CLVS2: variants seen among roughly 807,000 people sequenced by gnomAD.
The protein encoded by CLVS2 is clavesin-2.
A neutral mutation model predicts 29.0 loss-of-function variants in CLVS2; 19 were observed. The observed-to-expected ratio is 0.66, with a 90% confidence interval of 0.46 to 0.96. The LOEUF (loss-of-function observed/expected upper bound fraction) is 0.96, where lower values mean the gene tolerates loss of function less well. Among genes scored for constraint, CLVS2 ranks in the 40% least tolerant of loss-of-function variants. The pLI is 0.00. For missense variants in CLVS2, 294 were observed against 404.1 expected (o/e 0.73, Z 2.34); for synonymous variants, 161 against 151.3 (o/e 1.06, Z -0.47).
At chr6:123,035,423 A>G (rs1282839205) in intron 3 of CLVS2, among the ~76,000 whole-genome samples, 3 of 152,142 alleles carry the variant, frequency 2.0e-5, no homozygotes, top group Non-Finnish European at 2.9e-5. Flanking sequence ...TCCAATGACA[A>G]TCTACATGGA....
chr6:123,005,980 G>T (rs949273450), intron 2 of CLVS2, among the ~76,000 whole-genome samples: 1 of 152,234 alleles, frequency 6.6e-6, no homozygotes, highest in Middle Eastern at 3.2e-3. Context: ...ACAGTGTGCA[G>T]CGAACAGTAT....
intron 3 of CLVS2, among the ~76,000 whole-genome samples, chr6:123,037,176 T>G (rs1775165959): frequency 6.6e-6 from 1 of 152,058 alleles, no homozygotes; most frequent in Non-Finnish European, 1.5e-5. Flanking sequence ...TTCACATCAC[T>G]CTCTCAAATA....
intron 5 of CLVS2, among the ~76,000 whole-genome samples, chr6:123,060,979 T>C (rs964096785): frequency 6.6e-6 from 1 of 152,200 alleles, no homozygotes; most frequent in Non-Finnish European, 1.5e-5. Context: ...AAGTTATTCA[T>C]TGTGAAAACA....
chr6:123,000,069 A>G (rs1286078103), intron 2 of CLVS2, among the ~76,000 whole-genome samples: 1 of 152,198 alleles, frequency 6.6e-6, no homozygotes. Flanking sequence ...AATAATTGGT[A>G]TATAGAATTA....
At chr6:123,027,928 G>T (rs1016733367) in intron 3 of CLVS2, among the ~76,000 whole-genome samples, 1 of 152,144 alleles carries the variant, frequency 6.6e-6, no homozygotes, top group Non-Finnish European at 1.5e-5. Flanking sequence ...AATGTACTGT[G>T]CATTTACAGA....
intron 4 of CLVS2, among the ~76,000 whole-genome samples, chr6:123,053,600 T>A (rs1319579041): frequency 6.6e-6 from 1 of 152,162 alleles, no homozygotes; most frequent in Non-Finnish European, 1.5e-5. Context: ...CCAGACTGGA[T>A]TCCATTTAGG....
chr6:123,051,708 A>G (rs1264348690), intron 4 of CLVS2, among the ~76,000 whole-genome samples: 1 of 152,218 alleles, frequency 6.6e-6, no homozygotes, highest in Non-Finnish European at 1.5e-5. Flanking sequence ...ATCACTTAGC[A>G]TAATCTCTTT....
chr6:123,050,000 G>T (rs527610666), intron 4 of CLVS2, among the ~76,000 whole-genome samples: 1 of 152,108 alleles, frequency 6.6e-6, no homozygotes, highest in South Asian at 2.1e-4. Context: ...ATGAACAAAG[G>T]GCTTACTGTA....
rs774919818 is a variant in CLVS2 at position 123,068,675 on chromosome 6, C to T, written c.*4914C>T. 6.6e-5 allele frequency: 10 copies of T among 151,502 alleles called. No individual in the cohort carries two copies. The highest frequency in any genetic ancestry group is 1.3e-4 in the Non-Finnish European group (9 of 67,678). 9.4% of individuals were successfully genotyped at this position (151,502 alleles called of 1,614,324 possible). On this transcript the variant is annotated 3_prime_UTR_variant, in exon 6 of 6. Coordinates refer to ENST00000275162, the MANE Select transcript of CLVS2 (RefSeq NM_001010852.4). ...ATGTCTAACAGGAAATCATACAAGTCCTTGAAGAATACTGAGTATATTATT... is the reference window on the plus strand; with the variant it reads ...ATGTCTAACAGGAAATCATACAAGTTCTTGAAGAATACTGAGTATATTATT...
intron 3 of CLVS2, among the ~76,000 whole-genome samples, chr6:123,033,762 A>G (rs539366888): frequency 6.6e-6 from 1 of 152,244 alleles, no homozygotes; most frequent in South Asian, 2.1e-4. Flanking sequence ...CATCCTGTTA[A>G]AAGGATGAAA....
intron 3 of CLVS2, among the ~76,000 whole-genome samples, chr6:123,038,583 C>G (rs1486265784): frequency 6.6e-6 from 1 of 152,038 alleles, no homozygotes; most frequent in Non-Finnish European, 1.5e-5. Flanking sequence ...AGTAAGTCAT[C>G]TATTATTACA....
chr6:123,025,803 T>A (rs901764218), intron 3 of CLVS2, among the ~76,000 whole-genome samples: 30 of 152,174 alleles, frequency 2.0e-4, no homozygotes, highest in Non-Finnish European at 1.5e-4. Context: ...TTCTGTGGAG[T>A]TTCCTCTGTT....
intron 3 of CLVS2, among the ~76,000 whole-genome samples, chr6:123,019,969 C>CT (rs11358905): frequency 2.0e-5 from 3 of 151,266 alleles, no homozygotes; most frequent in Admixed American, 6.6e-5. Context: ...CTTACTCTGC[C>CT]TTTTTTTTTT....
At chr6:123,026,896 C>A (rs1001991442) in intron 3 of CLVS2, among the ~76,000 whole-genome samples, 1 of 152,114 alleles carries the variant, frequency 6.6e-6, no homozygotes, top group Non-Finnish European at 1.5e-5. Context: ...CACTTTTAAA[C>A]AATATGCATT....
Position 123,065,672 on chromosome 6 carries a change from C to T in CLVS2, c.*1911C>T, listed in dbSNP as rs1473807235. 3 of 151,780 alleles carry T rather than the reference C, an allele frequency of 2.0e-5. No homozygotes were observed. Among genetic ancestry groups the T allele is most frequent in the Non-Finnish European group, 4.4e-5 (3 of 67,786 alleles). 9.4% of individuals were successfully genotyped at this position (151,780 alleles called of 1,614,324 possible). On this transcript the variant is annotated 3_prime_UTR_variant, in exon 6 of 6. Transcript: ENST00000275162. ...TATTCTTACATTCTTGCCTACCTGACATACATTTTGTAGCCATGGGCTTTT... is the reference window on the plus strand; with the variant it reads ...TATTCTTACATTCTTGCCTACCTGATATACATTTTGTAGCCATGGGCTTTT...
At chr6:122,999,152 C>T (rs1015396103) in intron 2 of CLVS2, among the ~76,000 whole-genome samples, 2 of 152,078 alleles carry the variant, frequency 1.3e-5, no homozygotes, top group African/African-American at 4.8e-5. Flanking sequence ...CTTGTTAAAA[C>T]ATTGGTGTAT....
chr6:123,058,060 A>G (rs1404121663), intron 5 of CLVS2, among the ~76,000 whole-genome samples: 1 of 152,208 alleles, frequency 6.6e-6, no homozygotes, highest in Non-Finnish European at 1.5e-5. Flanking sequence ...CTCCCCCTAA[A>G]ATAGTTTTCT....
intron 2 of CLVS2, among the ~76,000 whole-genome samples, chr6:123,008,363 GAT>G (rs1238882954): frequency 6.6e-6 from 1 of 152,082 alleles, no homozygotes; most frequent in Non-Finnish European, 1.5e-5. Context: ...TTGGAATAAT[GAT>G]ATGTGTATCA....
At chr6:123,014,626 G>A (rs150339171) in intron 3 of CLVS2, among the ~76,000 whole-genome samples, 121 of 152,038 alleles carry the variant, frequency 8.0e-4, no homozygotes, top group African/African-American at 2.7e-3. Flanking sequence ...CTTCTACCTG[G>A]CAGGTAATAT....
Sources: allele counts gnomAD v4.1 joint callset (sites outside exome capture counted in the v4.1 genomes callset), GRCh38; gene constraint gnomAD v4.1.1; transcripts MANE v1.5; gene names NCBI Gene and HGNC (gene_info 2026-07-23, HGNC 2026-07-21).